CAMTA1: variants seen among roughly 807,000 people sequenced by gnomAD.
CAMTA1 encodes calmodulin-binding transcription activator 1.
In CAMTA1, 27 loss-of-function variants were observed where a neutral mutation model predicts 170.9. The ratio of observed to expected loss-of-function variants is 0.16; its 90% CI spans 0.12 to 0.22. The LOEUF is 0.22. Ranked by LOEUF, CAMTA1 falls within the 10% of genes least tolerant of loss-of-function variation. The probability of loss-of-function intolerance (pLI) is 1.00; values close to 1 mark genes in which losing one functional copy is unlikely to be tolerated. For missense variants in CAMTA1, 1,619 were observed against 2,217.2 expected (o/e 0.73, Z 5.42); for synonymous variants, 833 against 891.5 (o/e 0.93, Z 1.17).
intron 2 of CAMTA1, 36 bp downstream of exon 2, chr1:6,820,286 G>A (rs763723723): frequency 6.2e-7 from 1 of 1,612,758 alleles, no homozygotes; most frequent in East Asian, 2.2e-5. Flanking sequence ...TACAGGAAGG[G>A]GTGGGCTTGG....
Position 6,785,483 on chromosome 1 carries a change from G to T in CAMTA1, c.-48G>T. 2.0e-6 allele frequency: 2 copies of T among 1,015,124 alleles called. No homozygotes were observed. The highest frequency in any genetic ancestry group is 8.8e-5 in the South Asian group (2 of 22,608). The allele number at this position is 1,015,124 out of a possible 1,614,324, so 62.9% of individuals were successfully genotyped here. A position where few individuals can be genotyped will look rare whatever the true frequency, so the allele number is the denominator to read the frequency against. On this transcript the variant is annotated 5_prime_UTR_variant, in exon 1 of 23. Transcript: ENST00000303635. ...GCGGGGTGGCTGGGCCGGCGGCGGC[G>T]GCGGTACGAGGCGCGCGCTCGGGGT...
chr1:7,373,763 C>A (rs757690809), intron 5 of CAMTA1, among the ~76,000 whole-genome samples: 16 of 152,116 alleles, frequency 1.1e-4, no homozygotes, highest in Non-Finnish European at 1.9e-4. Flanking sequence ...GTACAAATAC[C>A]CCATCAATAG....
At chr1:6,988,355 G>A (rs988102920) in intron 3 of CAMTA1, among the ~76,000 whole-genome samples, 6 of 152,250 alleles carry the variant, frequency 3.9e-5, no homozygotes, top group South Asian at 4.1e-4. Flanking sequence ...ATGAAAACCC[G>A]GTTTCATTTT....
intron 3 of CAMTA1, among the ~76,000 whole-genome samples, chr1:7,090,783 C>G (rs562326232): frequency 2.5e-4 from 38 of 152,196 alleles, no homozygotes; most frequent in Admixed American, 2.5e-3. Context: ...CTTATTTCTC[C>G]CCGTTTCCTC....
chr1:6,862,832 G>T (rs1427559309), intron 3 of CAMTA1, among the ~76,000 whole-genome samples: 2 of 152,198 alleles, frequency 1.3e-5, no homozygotes. Context: ...TCAGCAATTA[G>T]AGCGAGGCTC....
chr1:7,011,078 G>T (rs552351448), intron 3 of CAMTA1, among the ~76,000 whole-genome samples: 1 of 152,344 alleles, frequency 6.6e-6, no homozygotes, highest in African/African-American at 2.4e-5. Context: ...GTGCGTGGGA[G>T]CTCTGCTTAC....
intron 3 of CAMTA1, among the ~76,000 whole-genome samples, chr1:6,985,708 G>A (rs1031704248): frequency 5.3e-5 from 8 of 152,324 alleles, no homozygotes; most frequent in Admixed American, 1.3e-4. Flanking sequence ...AGGCAATTAC[G>A]TCTATTATTA....
In CAMTA1 at chr1:7,736,993, T is replaced by G; in HGVS notation, c.3326T>G (p.Phe1109Cys). Residue 1109 changes from phenylalanine to cysteine, a missense_variant, in exon 14 of 23, where the codon TTC becomes TGC. By Grantham distance (205) the Phe-to-Cys change is radical. Around this residue, in one of 8 missense-constraint regions of CAMTA1, gnomAD observed 60 missense variants for 128.5 expected, o/e 0.47. Coordinates refer to ENST00000303635, the MANE Select transcript of CAMTA1 (RefSeq NM_015215.4). The surrounding 1 kb of genome is among the most constrained non-coding windows in gnomAD (Gnocchi z 4.5). ...LEVDPLNVDH[F>C]SCTPLMWACA... ...GTTGACCCCTTGAATGTGGACCACT[T>G]CTCCTGTACTCCTCTGGTAAGGAAT... is the stretch of plus-strand genomic sequence containing the variant. 1 of 1,612,006 alleles carries G rather than the reference T, an allele frequency of 6.2e-7. No homozygotes were observed. Among genetic ancestry groups the G allele is most frequent in the Non-Finnish European group, 8.5e-7 (1 of 1,178,416 alleles).
rs559245291 is a variant in CAMTA1, at chr1:6,979,870, C to T, written c.235-111434C>T. On this transcript the variant is annotated intron_variant, in intron 3 of 22. Coordinates refer to ENST00000303635, the MANE Select transcript of CAMTA1 (RefSeq NM_015215.4). ...TGTAGCTGGGGGAGAGGACCCCCGGCGTGTGCAACACTGTCCCCTCATCTA... is the reference window on the plus strand; with the variant it reads ...TGTAGCTGGGGGAGAGGACCCCCGGTGTGTGCAACACTGTCCCCTCATCTA... Among the ~76,000 whole-genome samples, 408 of 152,160 alleles carry T rather than the reference C, an allele frequency of 2.7e-3. 5 individuals are homozygous for T. The highest frequency in any genetic ancestry group is 6.8e-3 in the Middle Eastern group (2 of 294).
intron 4 of CAMTA1, among the ~76,000 whole-genome samples, chr1:7,237,219 C>T (rs1337109986): frequency 6.6e-6 from 1 of 152,194 alleles, no homozygotes; most frequent in Non-Finnish European, 1.5e-5. Flanking sequence ...ATCATCTGTT[C>T]TTAAAGGGGT....
At chr1:6,819,293 C>A (rs1487365176) in intron 1 of CAMTA1, among the ~76,000 whole-genome samples, 9 of 142,008 alleles carry the variant, frequency 6.3e-5, no homozygotes, top group Admixed American at 5.2e-4. Context: ...CGTCAATATT[C>A]AAAAAATTTT....
intron 11 of CAMTA1, among the ~76,000 whole-genome samples, chr1:7,724,741 T>G (rs746179987): frequency 1.4e-5 from 2 of 147,246 alleles, no homozygotes; most frequent in Non-Finnish European, 3.0e-5. Flanking sequence ...GAGAATGGCA[T>G]GAACCCAGGA....
rs534432931 is a variant in CAMTA1, at chr1:7,350,236, G to C, written c.438+100610G>C. On this transcript the variant is annotated intron_variant, in intron 5 of 22. Transcript: ENST00000303635. ...CACACTGAGCACCCCTCATTGGCAGGAACAGTGGATGCCGGATTCTCTCTG... is the reference window on the plus strand; with the variant it reads ...CACACTGAGCACCCCTCATTGGCAGCAACAGTGGATGCCGGATTCTCTCTG... Among the ~76,000 whole-genome samples the C allele has an allele frequency of 2.6e-5, 4 of 152,240 alleles. No individual in the cohort carries two copies. In the East Asian group the frequency reaches 7.7e-4, roughly 29 times the overall value.
chr1:6,919,921 T>C (rs1387442584), intron 3 of CAMTA1, among the ~76,000 whole-genome samples: 3 of 150,948 alleles, frequency 2.0e-5, no homozygotes, highest in African/African-American at 7.3e-5. Flanking sequence ...ACGTGGGAAT[T>C]ATGGGAGCTA....
chr1:7,573,684 T>A (rs1260929484), intron 6 of CAMTA1, among the ~76,000 whole-genome samples: 4 of 152,214 alleles, frequency 2.6e-5, no homozygotes, highest in Non-Finnish European at 5.9e-5. Flanking sequence ...CAGGGCCTTC[T>A]CCCTGGGTGC....
intron 5 of CAMTA1, among the ~76,000 whole-genome samples, chr1:7,266,338 A>G (rs928165761): frequency 6.6e-6 from 1 of 152,338 alleles, no homozygotes; most frequent in Non-Finnish European, 1.5e-5. Context: ...TGGGAGCGCC[A>G]CTGTGGGTCC....
chr1:7,563,446 C>T (rs2094989637), intron 6 of CAMTA1, among the ~76,000 whole-genome samples: 1 of 152,184 alleles, frequency 6.6e-6, no homozygotes, highest in African/African-American at 2.4e-5. Flanking sequence ...CTGCTAGCAG[C>T]TCCCGTGCCT....
chr1:7,039,697 C>T (rs949998324), intron 3 of CAMTA1, among the ~76,000 whole-genome samples: 3 of 152,130 alleles, frequency 2.0e-5, no homozygotes, highest in South Asian at 2.1e-4. Flanking sequence ...AAAGATGAGG[C>T]GCTTAGATTT....
chr1:7,560,670 C>T (rs745793183), intron 6 of CAMTA1, among the ~76,000 whole-genome samples: 11 of 152,148 alleles, frequency 7.2e-5, no homozygotes, highest in South Asian at 2.1e-4. Context: ...GAGGTCACCG[C>T]GGCCGGTGTG....
Sources: allele counts gnomAD v4.1 joint callset (sites outside exome capture counted in the v4.1 genomes callset), GRCh38; gene constraint gnomAD v4.1.1; regional missense constraint gnomAD v4.1.1; non-coding constraint Gnocchi (gnomAD v3.1); transcripts MANE v1.5; gene names NCBI Gene and HGNC (gene_info 2026-07-23, HGNC 2026-07-21).